The following C6orf132 variants were observed in gnomAD, a reference collection of about 807,000 sequenced individuals.
C6orf132 encodes chromosome 6 open reading frame 132.
Under a neutral mutation model 65.3 loss-of-function variants are expected in C6orf132, and 43 were observed. The ratio of observed to expected loss-of-function variants is 0.66; its 90% confidence interval spans 0.52 to 0.85. C6orf132 has a LOEUF of 0.85. Among genes scored for constraint, C6orf132 ranks in the 40% least tolerant of loss-of-function variants. The pLI, the probability that C6orf132 is intolerant of heterozygous loss-of-function variation, is 0.00. For missense variants in C6orf132, 1,488 were observed against 1,548.8 expected (o/e 0.96, Z 0.66); for synonymous variants, 631 against 654.1 (o/e 0.96, Z 0.54).
Position 42,107,375 on chromosome 6 carries a change from TTCCAGCAGCAGGGGAGGTGGTG to T in C6orf132, c.515_536del (p.Pro172HisfsTer46). ...GGGCCATGCTGGGCGGGGGTGGGGGTTCCAGCAGCAGGGGAGGTGGTGGGGGTGCTGTGGAAGGTGGAGATGG... is the reference window on the plus strand; with the variant it reads ...GGGCCATGCTGGGCGGGGGTGGGGGTGGGGTGCTGTGGAAGGTGGAGATGG... On this transcript the variant is annotated frameshift_variant, in exon 4 of 5. Coordinates refer to ENST00000341865, the MANE Select transcript of C6orf132 (RefSeq NM_001164446.3). LOFTEE classifies it high-confidence loss of function. 1.5e-6 allele frequency: 1 copy of T among 663,308 alleles called. No individual in the cohort carries two copies. Among genetic ancestry groups the T allele is most frequent in the Non-Finnish European group, 2.2e-6 (1 of 446,416 alleles). 41.1% of individuals were successfully genotyped at this position (663,308 alleles called of 1,614,324 possible).
Position 42,138,381 on chromosome 6 carries a change from TC to T in C6orf132, c.145+3918del, listed in dbSNP as rs1352860830. Among the ~76,000 whole-genome samples the T allele has an allele frequency of 2.6e-5, 4 of 152,148 alleles. No homozygotes were observed. In the East Asian group the frequency reaches 5.8e-4, roughly 22 times the overall value. Reference sequence around the variant, plus strand: ...ATCTTGGCTTTCTGCAACCTCTGCCTCCTGAACTCGAGCAGTCCTCCCGCCT... The same window carrying T: ...ATCTTGGCTTTCTGCAACCTCTGCCTCTGAACTCGAGCAGTCCTCCCGCCT... On this transcript the variant is annotated intron_variant, in intron 1 of 4. Coordinates refer to ENST00000341865, the MANE Select transcript of C6orf132 (RefSeq NM_001164446.3).
In C6orf132 at chr6:42,102,690, G is replaced by C. The variant is rs1425871359; in HGVS notation, c.*1071C>G. On this transcript the variant is annotated 3_prime_UTR_variant, in exon 5 of 5. Transcript: ENST00000341865. ...CCCAAAGTGCTGGGATTACAGGTGT[G>C]AGCCACCGCGCCCAGCCAACCAATC... 1 of 162,324 alleles carries C rather than the reference G, an allele frequency of 6.2e-6. No homozygotes were observed. The highest frequency in any genetic ancestry group is 2.4e-5 in the African/African-American group (1 of 41,782). 10.1% of individuals were successfully genotyped at this position (162,324 alleles called of 1,614,324 possible). A position where few individuals can be genotyped will look rare whatever the true frequency, so the allele number is the denominator to read the frequency against.
chr6:42,104,650 A>G lies in C6orf132; in HGVS notation c.3262T>C (p.Ser1088Pro). ...GGCTGCGGCCCGAAGCAGTTGGGAG[A>G]GCTCAGGCTGCGGCCGGTGCCACCG... ...PHGGTGRSLSSPNCFGPQPGG... is the reference protein window; with the variant it reads ...PHGGTGRSLSPPNCFGPQPGG... Residue 1088 changes from serine (S) to proline (P), a missense_variant, in exon 4 of 5, where the codon TCT (serine) becomes CCT (proline). Ser to Pro is a moderately conservative substitution (Grantham distance 74, BLOSUM62 -1). Coordinates refer to ENST00000341865, the MANE Select transcript of C6orf132 (RefSeq NM_001164446.3). The surrounding 1 kb of genome is among the most constrained non-coding windows in gnomAD (Gnocchi z 4.1). 1 of 1,473,652 alleles carries G rather than the reference A, an allele frequency of 6.8e-7. No homozygotes were observed. Among genetic ancestry groups the G allele is most frequent in the Non-Finnish European group, 8.9e-7 (1 of 1,121,120 alleles). 91.3% of individuals were successfully genotyped at this position (1,473,652 alleles called of 1,614,324 possible). A position where few individuals can be genotyped will look rare whatever the true frequency, so the allele number is the denominator to read the frequency against.
At chr6:42,113,590 G>A (rs1463467786) in intron 2 of C6orf132, among the ~76,000 whole-genome samples, 1 of 152,192 alleles carries the variant, frequency 6.6e-6, no homozygotes, top group Non-Finnish European at 1.5e-5. Context: ...CAAGGCAGGA[G>A]GATCACCTGA....
chr6:42,139,650 A>G (rs1767003102), intron 1 of C6orf132, among the ~76,000 whole-genome samples: 1 of 152,178 alleles, frequency 6.6e-6, no homozygotes, highest in African/African-American at 2.4e-5. Context: ...AACACAAATT[A>G]GTGAACTTTC....
Position 42,106,338 on chromosome 6 carries a change from G to T in C6orf132, c.1574C>A (p.Pro525Gln). The T allele has an allele frequency of 1.3e-6, 2 of 1,536,632 alleles. No individual in the cohort carries two copies. Among genetic ancestry groups the T allele is most frequent in the Non-Finnish European group, 1.7e-6 (2 of 1,146,854 alleles). The change falls in exon 4 of 5, where the codon CCA becomes CAA. Residue 525 changes from proline (P) to glutamine (Q), a missense_variant. Physicochemically the swap from Pro to Gln is moderately conservative, Grantham distance 76. Coordinates refer to ENST00000341865, the MANE Select transcript of C6orf132 (RefSeq NM_001164446.3). ...GCCAAGACTCTTTTCAGGAACACCT[G>T]GGGGAGTGTCCTTTGCTGGCAGGCT... is the stretch of plus-strand genomic sequence containing the variant. The part of the protein sequence containing the change: ...LLSLPAKDTP[P>Q]GVPEKSLGGS...
Position 42,107,234 on chromosome 6 carries a change from G to T in C6orf132, c.678C>A (p.Pro226=). 7.2e-7 allele frequency: 1 copy of T among 1,392,956 alleles called. No homozygotes were observed. The highest frequency in any genetic ancestry group is 9.4e-7 in the Non-Finnish European group (1 of 1,066,932). 86.3% of individuals were successfully genotyped at this position (1,392,956 alleles called of 1,614,324 possible). Residue 226 remains proline (P), a synonymous_variant, in exon 4 of 5, where the codon CCC becomes CCA. Transcript: ENST00000341865. ...PPAPPLAFLA[P]PPPPVPAPAP... is the part of the protein sequence containing the mutation. ...CTGGGGCTGGCACAGGAGGCGGTGG[G>T]GGGGCTAGAAAGGCCAAGGGTGGGG...
At chr6:42,115,559 T>C (rs1766553110) in intron 2 of C6orf132, among the ~76,000 whole-genome samples, 3 of 151,818 alleles carry the variant, frequency 2.0e-5, no homozygotes, top group South Asian at 4.2e-4. Flanking sequence ...GGCAGGAGAA[T>C]GGCGTGAACC....
rs1489371815 is a variant in C6orf132 at position 42,105,012 on chromosome 6, G to C, written c.2900C>G (p.Pro967Arg). 1 of 1,530,676 alleles carries C rather than the reference G, an allele frequency of 6.5e-7. No individual in the cohort carries two copies. Among genetic ancestry groups the C allele is most frequent in the East Asian group, 2.5e-5 (1 of 40,812 alleles). The allele number at this position is 1,530,676 out of a possible 1,614,324, so 94.8% of individuals were successfully genotyped here. A position where few individuals can be genotyped will look rare whatever the true frequency, so the allele number is the denominator to read the frequency against. ...CTCCCTCTTGTTCGAAGGAGAAGGT[G>C]GGGAGGAGAAGGACTTGGGCAGCGG... ...GHPLPKSFSS[P>R]PSPSNKREEE... The change falls in exon 4 of 5, where the codon CCA (proline) becomes CGA (arginine). Residue 967 changes from proline (P) to arginine (R), a missense_variant. Physicochemically the swap from Pro to Arg is moderately radical, Grantham distance 103. Coordinates refer to ENST00000341865, the MANE Select transcript of C6orf132 (RefSeq NM_001164446.3).
At chr6:42,118,331 G>A (rs1367048948) in intron 2 of C6orf132, among the ~76,000 whole-genome samples, 2 of 152,176 alleles carry the variant, frequency 1.3e-5, no homozygotes, top group Admixed American at 6.5e-5. Context: ...GGCAGGCAGG[G>A]CTGGGCTTGA....
intron 1 of C6orf132, 51 bp from the exon 2 acceptor site, chr6:42,128,829 G>A (rs548255485): frequency 3.0e-5 from 41 of 1,381,554 alleles, no homozygotes; most frequent in South Asian, 2.0e-4. Flanking sequence ...CAAGGCATCC[G>A]GCCACCCAAG....
intron 1 of C6orf132, among the ~76,000 whole-genome samples, chr6:42,141,136 T>A (rs1019373957): frequency 6.6e-6 from 1 of 152,178 alleles, no homozygotes; most frequent in Non-Finnish European, 1.5e-5. Context: ...TGATCTGATA[T>A]CTTTGTGCCA....
rs1251110591 is a variant in C6orf132 at position 42,104,740 on chromosome 6, C to T, written c.3172G>A (p.Gly1058Ser). ...AGGLERFSGG[G>S]RSLIKKRLYV... ...AGGCGCTTCTTTATGAGCGAGCGGCCCCCTCCCGAGAAGCGCTCCAGGCCC... is the reference window on the plus strand; with the variant it reads ...AGGCGCTTCTTTATGAGCGAGCGGCTCCCTCCCGAGAAGCGCTCCAGGCCC... The change falls in exon 4 of 5, where the codon GGC (glycine) becomes AGC (serine). Residue 1058 changes from glycine (G) to serine (S), a missense_variant. Gly to Ser is a moderately conservative substitution (Grantham distance 56). Coordinates refer to ENST00000341865, the MANE Select transcript of C6orf132 (RefSeq NM_001164446.3). The surrounding 1 kb of genome is among the most constrained non-coding windows in gnomAD (Gnocchi z 4.1). 1 of 1,527,338 alleles carries T rather than the reference C, an allele frequency of 6.5e-7. No homozygotes were observed. 94.6% of individuals were successfully genotyped at this position (1,527,338 alleles called of 1,614,324 possible). A position where few individuals can be genotyped will look rare whatever the true frequency, so the allele number is the denominator to read the frequency against.
chr6:42,137,153 T>C (rs998839723), intron 1 of C6orf132, among the ~76,000 whole-genome samples: 2 of 152,344 alleles, frequency 1.3e-5, no homozygotes, highest in Admixed American at 6.5e-5. Context: ...GTTTCCTCAA[T>C]TGAGAAGACA....
Position 42,104,425 on chromosome 6 carries a change from C to A in C6orf132, c.3449+38G>T. The A allele has an allele frequency of 8.1e-7, 1 of 1,229,558 alleles. No homozygotes were observed. Among genetic ancestry groups the A allele is most frequent in the South Asian group, 4.2e-5 (1 of 24,084 alleles). The allele number at this position is 1,229,558 out of a possible 1,614,324, so 76.2% of individuals were successfully genotyped here. On this transcript the variant is annotated intron_variant, in intron 4 of 4. Coordinates refer to ENST00000341865, the MANE Select transcript of C6orf132 (RefSeq NM_001164446.3). This position sits in a 1 kb window ranked among gnomAD's most constrained non-coding sequence, Gnocchi z 4.1. ...CTTGGCCCTCGCCTGGCTTTCCACCCCTCCTGGCTTCCCGCACCAGCCGGG... is the reference window on the plus strand; with the variant it reads ...CTTGGCCCTCGCCTGGCTTTCCACCACTCCTGGCTTCCCGCACCAGCCGGG...
Position 42,119,501 on chromosome 6 carries a change from C to T in C6orf132, c.252+9171G>A, listed in dbSNP as rs181736436. Reference sequence around the variant, plus strand: ...CTGGGACCACAGGCGCGTACCACCACACCTGGCTCATTTTTTTGTATTTTA... The same window carrying T: ...CTGGGACCACAGGCGCGTACCACCATACCTGGCTCATTTTTTTGTATTTTA... On this transcript the variant is annotated intron_variant, in intron 2 of 4. Transcript: ENST00000341865. 5.6e-3 allele frequency among the ~76,000 whole-genome samples: 849 copies of T among 151,566 alleles called. 4 individuals carry two copies. Among genetic ancestry groups the T allele is most frequent in the Non-Finnish European group, 9.6e-3 (652 of 67,888 alleles).
chr6:42,142,206 C>A, intron 1 of C6orf132, 94 bp downstream of exon 1: 7 of 1,370,208 alleles, frequency 5.1e-6, no homozygotes, highest in Non-Finnish European at 6.9e-6. Context: ...TCCAACGTGT[C>A]CCTCCCCTCC....
chr6:42,127,644 G>C (rs563915685), intron 2 of C6orf132, among the ~76,000 whole-genome samples: 1 of 152,288 alleles, frequency 6.6e-6, no homozygotes, highest in Admixed American at 6.5e-5. Context: ...ATGGAGGCAA[G>C]AGGATGCCGT....
At chr6:42,139,404 G>A (rs1273889204) in intron 1 of C6orf132, among the ~76,000 whole-genome samples, 1 of 152,248 alleles carries the variant, frequency 6.6e-6, no homozygotes, top group East Asian at 1.9e-4. Flanking sequence ...CCTTAGAGGA[G>A]GGGCCAGTAA....
Sources: gnomAD v4.1 joint callset for allele counts (sites outside exome capture counted in the v4.1 genomes callset) on GRCh38, gnomAD v4.1.1 for gene constraint, Gnocchi (gnomAD v3.1) non-coding constraint, MANE v1.5 for transcripts, NCBI Gene and HGNC (gene_info 2026-07-23, HGNC 2026-07-21) for gene names.